Variants in PCDH9 observed in about 807,000 individuals in gnomAD.
The protein encoded by PCDH9 is protocadherin-9.
PCDH9 carries 24 observed loss-of-function variants against 70.6 expected under a neutral mutation model. The observed-to-expected ratio is 0.34, with a 90% CI of 0.25 to 0.48. The LOEUF is 0.48. PCDH9 is among the 20% of genes least tolerant of loss of function. The probability of loss-of-function intolerance (pLI) is 0.99; values close to 1 mark genes in which losing one functional copy is unlikely to be tolerated. For synonymous variants in PCDH9, 562 were observed against 558.5 expected, an observed-to-expected ratio of 1.01 and a Z score of -0.09; for missense variants, 1,281 against 1,503.6, an observed-to-expected ratio of 0.85 and a Z score of 2.45.
chr13:66,391,822 T>C (rs1049439538), intron 4 of PCDH9, among the ~76,000 whole-genome samples: 2 of 151,400 alleles, frequency 1.3e-5, no homozygotes, highest in Non-Finnish European at 2.9e-5. Flanking sequence ...ATAAATCTAA[T>C]GTACAATTTG....
chr13:66,969,495 G>A (rs1030156213), intron 2 of PCDH9, among the ~76,000 whole-genome samples: 4 of 152,036 alleles, frequency 2.6e-5, no homozygotes, highest in Non-Finnish European at 5.9e-5. Context: ...GTGAAAGAAT[G>A]TTGTACAGTA....
At chr13:66,464,513 A>G (rs538529531) in intron 4 of PCDH9, among the ~76,000 whole-genome samples, 14 of 152,098 alleles carry the variant, frequency 9.2e-5, no homozygotes, top group African/African-American at 3.4e-4. Flanking sequence ...AAGAGTTTAT[A>G]TAATTGACTT....
At chr13:66,989,983 C>T (rs2038721) in intron 2 of PCDH9, among the ~76,000 whole-genome samples, 150,720 of 151,976 alleles carry the variant, frequency 0.99, 74,752 homozygotes, top group East Asian at 1. Flanking sequence ...AGACTGATAA[C>T]AAAATTTTCA....
chr13:66,439,222 C>T (rs1303782451), intron 4 of PCDH9, among the ~76,000 whole-genome samples: 10 of 152,106 alleles, frequency 6.6e-5, no homozygotes, highest in South Asian at 4.1e-4. Flanking sequence ...TCTTTTAATT[C>T]GGCTGAGTTT....
At chr13:67,103,662 G>A (rs570120060) in intron 2 of PCDH9, among the ~76,000 whole-genome samples, 1 of 152,154 alleles carries the variant, frequency 6.6e-6, no homozygotes, top group Admixed American at 6.5e-5. Context: ...TACAGTAAGG[G>A]AAATTGTTGT....
intron 4 of PCDH9, among the ~76,000 whole-genome samples, chr13:66,439,809 A>G (rs572242556): frequency 2.0e-4 from 30 of 152,264 alleles, no homozygotes; most frequent in African/African-American, 5.3e-4. Context: ...TGAGTTGTCC[A>G]TGGTTTCCAT....
At chr13:67,190,156 T>C (rs1343438224) in intron 2 of PCDH9, among the ~76,000 whole-genome samples, 1 of 151,962 alleles carries the variant, frequency 6.6e-6, no homozygotes, top group East Asian at 1.9e-4. Flanking sequence ...CTAAATTCCT[T>C]ATTATACAAA....
intron 2 of PCDH9, among the ~76,000 whole-genome samples, chr13:66,968,179 A>G (rs1000308672): frequency 1.3e-5 from 2 of 152,112 alleles, no homozygotes; most frequent in African/African-American, 4.8e-5. Context: ...AAATACTTGC[A>G]GGTGACTATA....
chr13:67,225,279 G>GA (rs1555322890), intron 2 of PCDH9, 126 bp downstream of exon 2: 1 of 1,258,462 alleles, frequency 7.9e-7, no homozygotes, highest in East Asian at 2.4e-5. Context: ...AAGGGGTCAA[G>GA]TTTTTTTTTA....
intron 4 of PCDH9, among the ~76,000 whole-genome samples, chr13:66,561,183 G>A (rs1962007493): frequency 6.6e-6 from 1 of 152,232 alleles, no homozygotes; most frequent in Non-Finnish European, 1.5e-5. Flanking sequence ...CCGCCACCGG[G>A]GCAGTGAGGG....
At chr13:67,099,902 G>T (rs939010812) in intron 2 of PCDH9, among the ~76,000 whole-genome samples, 2 of 152,124 alleles carry the variant, frequency 1.3e-5, no homozygotes, top group African/African-American at 4.8e-5. Flanking sequence ...TAATAAAAGA[G>T]ACAATGAAAT....
At chr13:66,477,130 A>C (rs1291071268) in intron 4 of PCDH9, among the ~76,000 whole-genome samples, 1 of 152,164 alleles carries the variant, frequency 6.6e-6, no homozygotes, top group Non-Finnish European at 1.5e-5. Flanking sequence ...TTCAATGTGC[A>C]TGTCTGTCTA....
At chr13:66,863,883 A>G (rs1268379436) in intron 3 of PCDH9, among the ~76,000 whole-genome samples, 1 of 152,064 alleles carries the variant, frequency 6.6e-6, no homozygotes, top group Non-Finnish European at 1.5e-5. Context: ...GAGACAGGGT[A>G]ATTTATAAAG....
chr13:66,453,964 T>C (rs1305353474), intron 4 of PCDH9, among the ~76,000 whole-genome samples: 1 of 152,122 alleles, frequency 6.6e-6, no homozygotes. Flanking sequence ...GTCTTAGGAA[T>C]AATTATTTTA....
intron 2 of PCDH9, among the ~76,000 whole-genome samples, chr13:67,187,849 G>A (rs1430664877): frequency 1.3e-5 from 2 of 151,912 alleles, no homozygotes; most frequent in East Asian, 3.9e-4. Flanking sequence ...AATGTATAAC[G>A]ATCCAATGGG....
At chr13:66,420,678 G>A (rs1204072665) in intron 4 of PCDH9, among the ~76,000 whole-genome samples, 3 of 152,088 alleles carry the variant, frequency 2.0e-5, no homozygotes, top group African/African-American at 4.8e-5. Flanking sequence ...TCCATCCGAA[G>A]GTCACCAACA....
intron 3 of PCDH9, among the ~76,000 whole-genome samples, chr13:66,723,455 TA>T (rs1341351634): frequency 6.6e-6 from 1 of 152,234 alleles, no homozygotes; most frequent in Non-Finnish European, 1.5e-5. Context: ...AAAATTATAC[TA>T]AAGGATTTGT....
At chr13:67,043,776 T>A (rs1445255957) in intron 2 of PCDH9, among the ~76,000 whole-genome samples, 2 of 152,182 alleles carry the variant, frequency 1.3e-5, no homozygotes, top group African/African-American at 2.4e-5. Flanking sequence ...AGAAATTTAC[T>A]AACTTTTGTG....
At chr13:66,671,611 T>C (rs1306618318) in intron 3 of PCDH9, among the ~76,000 whole-genome samples, 1 of 152,182 alleles carries the variant, frequency 6.6e-6, no homozygotes, top group Non-Finnish European at 1.5e-5. Flanking sequence ...AAGGTGACTC[T>C]TGCTATGTTT....
Sources: gnomAD v4.1 joint callset for allele counts (sites outside exome capture counted in the v4.1 genomes callset) on GRCh38, gnomAD v4.1.1 for gene constraint, MANE v1.5 for transcripts, NCBI Gene and HGNC (gene_info 2026-07-23, HGNC 2026-07-21) for gene names.